Variants in DPH6 observed in about 807,000 individuals in gnomAD.
DPH6 encodes the protein diphthamine biosynthesis 6.
In DPH6, 33 loss-of-function variants were observed where a neutral mutation model predicts 38.2. The ratio of observed to expected loss-of-function variants is 0.86; its 90% CI spans 0.65 to 1.15. The LOEUF is 1.15. Ranked by LOEUF, DPH6 falls within the 50% of genes most tolerant of loss-of-function variation. DPH6 has a pLI of 0.00. For missense variants in DPH6, 325 were observed against 320.0 expected, an observed-to-expected ratio of 1.02 and a Z score of -0.12; for synonymous variants, 108 against 103.0, an observed-to-expected ratio of 1.05 and a Z score of -0.30.
In DPH6 at chr15:35,527,428, A is replaced by C. The variant is rs538747657; in HGVS notation, c.312+10846T>G. 1.0e-3 allele frequency among the ~76,000 whole-genome samples: 159 copies of C among 152,308 alleles called. 1 individual carries two copies. Among genetic ancestry groups the C allele is most frequent in the African/African-American group, 3.4e-3 (143 of 41,584 alleles). ...GCTGTATGGAGTCTCATAGGAAATA[A>C]AAATAATGAAATATAATCCCTATTC... On this transcript the variant is annotated intron_variant, in intron 3 of 8. Transcript: ENST00000256538.
At chr15:35,435,803 ATC>A (rs1475209410) in intron 5 of DPH6, among the ~76,000 whole-genome samples, 1 of 152,014 alleles carries the variant, frequency 6.6e-6, no homozygotes, top group East Asian at 1.9e-4. Context: ...GGACCAAAAA[ATC>A]TCTTTTCCTT....
At chr15:35,540,443 G>T (rs1385535239) in intron 2 of DPH6, among the ~76,000 whole-genome samples, 1 of 151,972 alleles carries the variant, frequency 6.6e-6, no homozygotes, top group Non-Finnish European at 1.5e-5. Context: ...CCTCACTAAG[G>T]TTTCTTTCAT....
At chr15:35,193,753 A>T in the DPH6 span, among the ~76,000 whole-genome samples, 1 of 152,216 alleles carries the variant, frequency 6.6e-6, no homozygotes, top group Non-Finnish European at 1.5e-5. Flanking sequence ...ATGGATGATG[A>T]AGAAAATATC....
chr15:35,397,039 T>C (rs1300286766), intron 6 of DPH6, among the ~76,000 whole-genome samples: 2 of 152,242 alleles, frequency 1.3e-5, no homozygotes, highest in African/African-American at 4.8e-5. Flanking sequence ...TAACAAGAAC[T>C]GGATCTAATC....
chr15:35,285,891 C>T (rs1399328009), intron 3 of DPH6, among the ~76,000 whole-genome samples: 2 of 2,456 alleles, frequency 8.1e-4, no homozygotes, highest in South Asian at 9.8e-3. Context: ...TTTTTTTTTA[C>T]CTGAGACCAC....
chr15:35,201,426 C>T, the DPH6 span, among the ~76,000 whole-genome samples: 1,315 of 151,836 alleles, frequency 8.7e-3, 9 homozygotes, highest in Middle Eastern at 0.027. Context: ...CAATTCTATT[C>T]CCCTTTATAA....
At chr15:35,373,940 A>G (rs778953175) in intron 7 of DPH6, among the ~76,000 whole-genome samples, 1 of 152,010 alleles carries the variant, frequency 6.6e-6, no homozygotes, top group Non-Finnish European at 1.5e-5. Context: ...GTATAGGCTA[A>G]GCATTAAACA....
At chr15:35,295,832 G>A (rs1311502806) in intron 3 of DPH6, among the ~76,000 whole-genome samples, 3 of 151,946 alleles carry the variant, frequency 2.0e-5, no homozygotes, top group Admixed American at 6.5e-5. Flanking sequence ...GGTAAATATT[G>A]TTTCATAATT....
chr15:35,371,082 T>TAAG lies in DPH6; in HGVS notation c.*1067_*1068insCTT, dbSNP rs2052707666. 6.6e-6 allele frequency: 1 copy of TAAG among 151,446 alleles called. No homozygotes were observed. Among genetic ancestry groups the TAAG allele is most frequent in the Non-Finnish European group, 1.5e-5 (1 of 67,660 alleles). The allele number at this position is 151,446 out of a possible 1,614,324, so 9.4% of individuals were successfully genotyped here. ...CATATTAATACATGAAAGAAGCCAATCTGAAAAGCTATATACTGCATGAAA... is the reference window on the plus strand; with the variant it reads ...CATATTAATACATGAAAGAAGCCAATAAGCTGAAAAGCTATATACTGCATGAAA... On this transcript the variant is annotated 3_prime_UTR_variant, in exon 9 of 9. Transcript: ENST00000256538.
chr15:35,251,758 C>G (rs578237681), intron 3 of DPH6, among the ~76,000 whole-genome samples: 170 of 152,360 alleles, frequency 1.1e-3, no homozygotes, highest in African/African-American at 3.8e-3. Context: ...GTTTACCACA[C>G]TGTACATTCA....
chr15:35,246,947 T>C (rs2051641732), intron 3 of DPH6, among the ~76,000 whole-genome samples: 1 of 152,222 alleles, frequency 6.6e-6, no homozygotes. Flanking sequence ...ACAAAAGTAC[T>C]CTAGTTCCAT....
chr15:35,488,958 A>G (rs1179513537), intron 3 of DPH6, among the ~76,000 whole-genome samples: 1 of 151,380 alleles, frequency 6.6e-6, no homozygotes, highest in Non-Finnish European at 1.5e-5. Flanking sequence ...CAGTCAATGA[A>G]TGTAGTAAAT....
intron 3 of DPH6, among the ~76,000 whole-genome samples, chr15:35,320,123 T>G (rs2140842541): frequency 6.6e-6 from 1 of 152,320 alleles, no homozygotes; most frequent in South Asian, 2.1e-4. Flanking sequence ...TCATGGCTTT[T>G]TTTTTCAGAT....
chr15:35,213,914 C>T (rs186398041), downstream of DPH6, among the ~76,000 whole-genome samples: 25 of 152,276 alleles, frequency 1.6e-4, no homozygotes, highest in Non-Finnish European at 3.5e-4. Context: ...AGATCGAGAC[C>T]ATCCTGGCTA....
the DPH6 span, among the ~76,000 whole-genome samples, chr15:35,165,511 G>A: frequency 6.6e-6 from 1 of 151,830 alleles, no homozygotes; most frequent in Non-Finnish European, 1.5e-5. Flanking sequence ...AACTATAGGT[G>A]TTGAAACTCA....
At chr15:35,410,331 CT>C (rs2053348744) in intron 6 of DPH6, among the ~76,000 whole-genome samples, 1 of 151,662 alleles carries the variant, frequency 6.6e-6, no homozygotes, top group African/African-American at 2.4e-5. Context: ...ATGAAAACAA[CT>C]GAATATTTAA....
intron 3 of DPH6, among the ~76,000 whole-genome samples, chr15:35,510,256 T>C (rs952285831): frequency 6.6e-6 from 1 of 152,076 alleles, no homozygotes; most frequent in Non-Finnish European, 1.5e-5. Context: ...ATGGTCACAT[T>C]TGACTATTGT....
intron 3 of DPH6, among the ~76,000 whole-genome samples, chr15:35,308,568 G>A (rs779132024): frequency 2.6e-5 from 4 of 151,848 alleles, no homozygotes; most frequent in African/African-American, 9.7e-5. Context: ...AAAAAAAAAA[G>A]TACTTGGATA....
the DPH6 span, among the ~76,000 whole-genome samples, chr15:35,190,259 A>T: frequency 9.2e-5 from 14 of 152,358 alleles, no homozygotes; most frequent in Non-Finnish European, 1.6e-4. Context: ...ATTTATCAAG[A>T]CAGAGGACTT....
Sources: allele counts gnomAD v4.1 joint callset (sites outside exome capture counted in the v4.1 genomes callset), GRCh38; gene constraint gnomAD v4.1.1; transcripts MANE v1.5; gene names NCBI Gene and HGNC (gene_info 2026-07-23, HGNC 2026-07-21).